Variants in SAMD12 observed in about 807,000 individuals in gnomAD.
SAMD12 encodes sterile alpha motif domain-containing protein 12.
A neutral mutation model predicts 15.0 loss-of-function variants in SAMD12; 9 were observed. The ratio of observed to expected loss-of-function variants is 0.60; its 90% CI spans 0.36 to 1.05. The LOEUF is 1.05. Ranked by LOEUF, SAMD12 falls within the 50% of genes least tolerant of loss-of-function variation. SAMD12 has a pLI of 0.01. For synonymous variants in SAMD12, 86 were observed against 90.1 expected, an observed-to-expected ratio of 0.96 and a Z score of 0.25; for missense variants, 230 against 234.2, an observed-to-expected ratio of 0.98 and a Z score of 0.12.
rs144969220 is a variant in SAMD12, at chr8:118,229,370, A to G, written c.434-31638T>C. Among the ~76,000 whole-genome samples, 13 of 152,190 alleles carry G rather than the reference A, an allele frequency of 8.5e-5. 1 individual carries two copies. Among genetic ancestry groups the G allele is most frequent in the Middle Eastern group, 3.4e-3 (1 of 294 alleles). Reference sequence around the variant, plus strand: ...GCCCTTGCAAGATAAACAGCAATAAAAAAAGAAAGAAGACTTAGGAAAATT... The same window carrying G: ...GCCCTTGCAAGATAAACAGCAATAAGAAAAGAAAGAAGACTTAGGAAAATT... On this transcript the variant is annotated intron_variant, in intron 4 of 4. Coordinates refer to the SAMD12 transcript ENST00000409003.
At chr8:118,258,629 T>C (rs569467643) in intron 4 of SAMD12, among the ~76,000 whole-genome samples, 1 of 152,218 alleles carries the variant, frequency 6.6e-6, no homozygotes, top group East Asian at 1.9e-4. Context: ...ATATGATTTC[T>C]ACATGGAAGC....
chr8:118,276,695 C>G (rs1380720177), intron 4 of SAMD12, among the ~76,000 whole-genome samples: 1 of 152,144 alleles, frequency 6.6e-6, no homozygotes, highest in African/African-American at 2.4e-5. Flanking sequence ...TCTTTTGAGA[C>G]AGAGTCTTGC....
At chr8:118,318,388 G>A (rs1816057147) in intron 4 of SAMD12, among the ~76,000 whole-genome samples, 1 of 143,364 alleles carries the variant, frequency 7.0e-6, no homozygotes, top group Non-Finnish European at 1.5e-5. Flanking sequence ...CTTGGGCATA[G>A]AAAAGGAATG....
intron 3 of SAMD12, among the ~76,000 whole-genome samples, chr8:118,386,283 T>C (rs866040518): frequency 6.6e-6 from 1 of 152,196 alleles, no homozygotes; most frequent in South Asian, 2.1e-4. Context: ...GATACGTCTG[T>C]TTCTGCCAGC....
At chr8:118,302,225 T>C (rs1815084538) in intron 4 of SAMD12, among the ~76,000 whole-genome samples, 1 of 151,994 alleles carries the variant, frequency 6.6e-6, no homozygotes, top group African/African-American at 2.4e-5. Flanking sequence ...CCCCTCACCT[T>C]CAGTTGTTCA....
the SAMD12 span, among the ~76,000 whole-genome samples, chr8:118,163,231 C>G: frequency 1.3e-5 from 2 of 152,038 alleles, no homozygotes; most frequent in Non-Finnish European, 2.9e-5. Flanking sequence ...AGGCACACAC[C>G]ACCATACCTG....
At chr8:118,467,943 A>T (rs2130954324) in intron 2 of SAMD12, among the ~76,000 whole-genome samples, 1 of 152,348 alleles carries the variant, frequency 6.6e-6, no homozygotes. Flanking sequence ...AAAGATGGGG[A>T]CAATGTGGCA....
intron 2 of SAMD12, among the ~76,000 whole-genome samples, chr8:118,470,140 G>A (rs778817211): frequency 1.3e-4 from 19 of 151,938 alleles, no homozygotes; most frequent in Non-Finnish European, 2.6e-4. Context: ...AAGATATAGT[G>A]TGAGAAAAGC....
At chr8:118,517,882 G>C (rs897690604) in intron 2 of SAMD12, among the ~76,000 whole-genome samples, 20 of 152,140 alleles carry the variant, frequency 1.3e-4, no homozygotes, top group African/African-American at 4.6e-4. Flanking sequence ...ATTCACACAT[G>C]TAACTGGAAA....
intron 4 of SAMD12, among the ~76,000 whole-genome samples, chr8:118,277,420 C>A (rs1211775505): frequency 2.6e-5 from 4 of 152,084 alleles, no homozygotes; most frequent in African/African-American, 7.2e-5. Context: ...TAAGTGCATA[C>A]TGGAAGGGTT....
At chr8:118,463,100 C>CAAAAA in intron 2 of SAMD12, among the ~76,000 whole-genome samples, 1 of 63,088 alleles carries the variant, frequency 1.6e-5, no homozygotes, top group Non-Finnish European at 2.9e-5. Context: ...AACTCCGTCT[C>CAAAAA]AAAAAAAAAA....
chr8:118,497,291 T>C (rs1227620858), intron 2 of SAMD12, among the ~76,000 whole-genome samples: 1 of 152,226 alleles, frequency 6.6e-6, no homozygotes, highest in Non-Finnish European at 1.5e-5. Flanking sequence ...ACAGCACTAT[T>C]CACAATAGCA....
chr8:118,269,815 AC>A (rs1813301296), intron 4 of SAMD12, among the ~76,000 whole-genome samples: 1 of 151,834 alleles, frequency 6.6e-6, no homozygotes, highest in South Asian at 2.1e-4. Context: ...AAACACCTGC[AC>A]CCCCCTTCCT....
At chr8:118,536,443 A>ACACACACACACACAC (rs1825845940) in intron 2 of SAMD12, among the ~76,000 whole-genome samples, 2 of 140,778 alleles carry the variant, frequency 1.4e-5, no homozygotes, top group African/African-American at 2.7e-5. Flanking sequence ...CTGATACACA[A>ACACACACACACACAC]ACACACACAC....
intron 2 of SAMD12, among the ~76,000 whole-genome samples, chr8:118,578,942 G>A (rs1040886686): frequency 6.6e-6 from 1 of 152,088 alleles, no homozygotes; most frequent in Non-Finnish European, 1.5e-5. Flanking sequence ...TCCAATATTA[G>A]TTTGTTCCAG....
intron 4 of SAMD12, among the ~76,000 whole-genome samples, chr8:118,321,123 A>G (rs190126820): frequency 7.4e-6 from 1 of 135,468 alleles, no homozygotes; most frequent in African/African-American, 2.7e-5. Context: ...GATATATATA[A>G]CATATATATC....
chr8:118,366,823 A>AAATAAAATATAATAT (rs1818798732), intron 4 of SAMD12, among the ~76,000 whole-genome samples: 8 of 78,962 alleles, frequency 1.0e-4, no homozygotes, highest in Non-Finnish European at 1.9e-4. Flanking sequence ...AAATAAAATA[A>AAATAAAATATAATAT]AATAAAATAA....
intron 2 of SAMD12, among the ~76,000 whole-genome samples, chr8:118,486,371 G>T (rs1824284721): frequency 6.6e-6 from 1 of 151,798 alleles, no homozygotes; most frequent in Non-Finnish European, 1.5e-5. Flanking sequence ...AGCCGAGATT[G>T]CGCCACTGCA....
intron 2 of SAMD12, among the ~76,000 whole-genome samples, chr8:118,458,897 T>C (rs11773953): frequency 0.45 from 67,634 of 151,850 alleles, 17,400 homozygotes; most frequent in South Asian, 0.58. Flanking sequence ...GACACTTAAT[T>C]TCATGCTGTT....
Sources: allele counts gnomAD v4.1 joint callset (sites outside exome capture counted in the v4.1 genomes callset), GRCh38; gene constraint gnomAD v4.1.1; transcripts MANE v1.5; gene names NCBI Gene and HGNC (gene_info 2026-07-23, HGNC 2026-07-21).